Variants in MTMR8 observed in about 807,000 individuals in gnomAD.
The protein encoded by MTMR8 is phosphatidylinositol-3,5-bisphosphate 3-phosphatase MTMR8.
MTMR8 carries 65 observed loss-of-function variants against 39.3 expected under a neutral mutation model. The ratio of observed to expected loss-of-function variants is 1.65; its 90% CI spans 1.35 to 2.03. The LOEUF is 2.03. Ranked by LOEUF, MTMR8 falls within the 30% of genes most tolerant of loss-of-function variation. The pLI is 0.00. For synonymous variants in MTMR8, 245 were observed against 185.2 expected, an observed-to-expected ratio of 1.32 and a Z score of -2.62; for missense variants, 777 against 538.9, an observed-to-expected ratio of 1.44 and a Z score of -4.37.
At chrX:64,278,021 G>C (rs1374083221) in intron 12 of MTMR8, among the ~76,000 whole-genome samples, 1 of 107,682 alleles carries the variant, frequency 9.3e-6, no homozygotes, top group Non-Finnish European at 1.9e-5. Flanking sequence ...GGTCAATTTG[G>C]CTATTGATAC....
intron 12 of MTMR8, among the ~76,000 whole-genome samples, chrX:64,301,598 A>T (rs1282235193): frequency 2.7e-5 from 3 of 111,989 alleles, no homozygotes; most frequent in African/African-American, 9.8e-5. Context: ...TTCTCCATCC[A>T]GCTTTGTTCC....
intron 1 of MTMR8, among the ~76,000 whole-genome samples, chrX:64,378,250 G>C (rs1190496357): frequency 8.9e-6 from 1 of 111,989 alleles, no homozygotes; most frequent in Admixed American, 9.5e-5. Context: ...TAAAAATAGA[G>C]GGGTCAGTTC....
chrX:64,324,358 T>G (rs752089410), intron 12 of MTMR8, among the ~76,000 whole-genome samples: 90 of 110,949 alleles, frequency 8.1e-4, no homozygotes, highest in Non-Finnish European at 1.6e-3. Flanking sequence ...TGAGATCATA[T>G]CTCAAGAAAG....
rs764817613 is a variant in MTMR8 at position 64,384,880 on chromosome X, T to C, written c.24+10460A>G. 1.6e-4 allele frequency among the ~76,000 whole-genome samples: 18 copies of C among 112,864 alleles called. 1 individual carries two copies. The highest frequency in any genetic ancestry group is 1.1e-3 in the South Asian group (3 of 2,741). The stretch of plus-strand genomic sequence containing the variant: ...TCACTATTTGCCTCATTTTTAGTTA[T>C]GCAAATTTATCCAGCAAGTGGTTGC... On this transcript the variant is annotated intron_variant, in intron 1 of 13. Coordinates refer to ENST00000374852, the MANE Select transcript of MTMR8 (RefSeq NM_017677.4).
At chrX:64,304,634 T>A (rs988070966) in intron 12 of MTMR8, among the ~76,000 whole-genome samples, 5 of 108,459 alleles carry the variant, frequency 4.6e-5, no homozygotes, top group African/African-American at 1.7e-4. Flanking sequence ...ATGTTCTTTC[T>A]CAGGCACTGA....
intron 10 of MTMR8, among the ~76,000 whole-genome samples, chrX:64,332,325 C>T (rs1922964565): frequency 9.0e-6 from 1 of 111,446 alleles, no homozygotes; most frequent in Non-Finnish European, 1.9e-5. Context: ...ACCCTATCAT[C>T]GACTGAAACA....
chrX:64,393,423 G>A (rs1348348798), intron 1 of MTMR8, among the ~76,000 whole-genome samples: 1 of 112,050 alleles, frequency 8.9e-6, no homozygotes, highest in Admixed American at 9.5e-5. Flanking sequence ...AGCCAGCCCA[G>A]TTTATAGCTT....
intron 5 of MTMR8, among the ~76,000 whole-genome samples, chrX:64,349,432 C>T (rs1324164472): frequency 9.0e-6 from 1 of 111,492 alleles, no homozygotes; most frequent in Non-Finnish European, 1.9e-5. Flanking sequence ...GCCCACCTGA[C>T]AACTTGCCTA....
chrX:64,377,862 T>TGAA (rs1924310853), intron 1 of MTMR8, among the ~76,000 whole-genome samples: 1 of 112,191 alleles, frequency 8.9e-6, no homozygotes, highest in African/African-American at 3.2e-5. Flanking sequence ...CCCCAATGTT[T>TGAA]GAAGAAGGGC....
At chrX:64,270,840 TA>T (rs1931743906) in intron 13 of MTMR8, 106 bp downstream of exon 13, 1 of 950,427 alleles carries the variant, frequency 1.1e-6, no homozygotes, top group Non-Finnish European at 1.4e-6. Context: ...CCAAAGAGTA[TA>T]AAAAAGCCAG....
At chrX:64,272,516 G>A (rs754900426) in intron 12 of MTMR8, among the ~76,000 whole-genome samples, 1 of 111,355 alleles carries the variant, frequency 9.0e-6, no homozygotes, top group Non-Finnish European at 1.9e-5. Context: ...AAATAAAATA[G>A]CTTAAAGGAC....
chrX:64,302,902 C>G (rs1403255576), intron 12 of MTMR8, among the ~76,000 whole-genome samples: 1 of 112,248 alleles, frequency 8.9e-6, no homozygotes, highest in Non-Finnish European at 1.9e-5. Flanking sequence ...CATGTCAGCT[C>G]CGTCTCCTTC....
intron 1 of MTMR8, among the ~76,000 whole-genome samples, chrX:64,380,667 A>G (rs1383422071): frequency 8.9e-6 from 1 of 112,190 alleles, no homozygotes; most frequent in Non-Finnish European, 1.9e-5. Flanking sequence ...ATATGTATAC[A>G]TGTGCCATGT....
intron 1 of MTMR8, among the ~76,000 whole-genome samples, chrX:64,374,926 A>C (rs761557042): frequency 9.2e-6 from 1 of 108,979 alleles, no homozygotes; most frequent in Non-Finnish European, 1.9e-5. Context: ...CAGAAATTGG[A>C]AGATGCAATA....
rs1328717762 is a variant in MTMR8, at chrX:64,305,608, C to G, written c.1481+23164G>C. ...GCTTGAGGTGCAGCAGTCTGAACCA[C>G]CCGGCGGCTGAGAAGAGGAACCAAA... is the stretch of plus-strand genomic sequence containing the variant. On this transcript the variant is annotated intron_variant, in intron 12 of 13. Transcript: ENST00000374852. 3 of 522,919 alleles carry G rather than the reference C, an allele frequency of 5.7e-6. No homozygotes were observed. In the Admixed American group the frequency reaches 6.9e-5, roughly 12 times the overall value. 43.1% of individuals were successfully genotyped at this position (522,919 alleles called of 1,213,427 possible).
intron 1 of MTMR8, among the ~76,000 whole-genome samples, chrX:64,380,963 A>C (rs1379957039): frequency 8.9e-6 from 1 of 112,161 alleles, no homozygotes; most frequent in Non-Finnish European, 1.9e-5. Flanking sequence ...CATGGTGTAT[A>C]TGTGCCACAT....
chrX:64,374,922 T>G (rs780918021), intron 1 of MTMR8, among the ~76,000 whole-genome samples: 14 of 107,798 alleles, frequency 1.3e-4, no homozygotes, highest in Non-Finnish European at 2.1e-4. Flanking sequence ...CTACCAGAAA[T>G]TGGAAGATGC....
Position 64,328,761 on chromosome X carries a change from T to G in MTMR8, c.1481+11A>C. On this transcript the variant is annotated intron_variant, in intron 12 of 13. Transcript: ENST00000374852. ...TGCTATAAGAAAGGAGGGAAAAACT[T>G]AAGAACTTACTGAATGTTGTAGGGC... 2 of 1,151,616 alleles carry G rather than the reference T, an allele frequency of 1.7e-6. No individual in the cohort carries two copies. The highest frequency in any genetic ancestry group is 2.3e-6 in the Non-Finnish European group (2 of 869,368). 94.9% of individuals were successfully genotyped at this position (1,151,616 alleles called of 1,213,427 possible).
chrX:64,323,935 T>A, intron 12 of MTMR8, among the ~76,000 whole-genome samples: 1 of 112,647 alleles, frequency 8.9e-6, no homozygotes, highest in East Asian at 2.8e-4. Context: ...GGAAATCTTA[T>A]AGCAATAAAT....
Sources: allele counts gnomAD v4.1 joint callset (sites outside exome capture counted in the v4.1 genomes callset), GRCh38; gene constraint gnomAD v4.1.1; transcripts MANE v1.5; gene names NCBI Gene and HGNC (gene_info 2026-07-23, HGNC 2026-07-21).